Variants in CAMTA1 observed in about 807,000 individuals in gnomAD.
CAMTA1 encodes calmodulin-binding transcription activator 1.
In CAMTA1, 27 loss-of-function variants were observed where a neutral mutation model predicts 170.9. That is an observed-to-expected ratio of 0.16 (90% CI 0.12 to 0.22). The LOEUF (loss-of-function observed/expected upper bound fraction) is 0.22. CAMTA1 is among the 10% of genes least tolerant of loss of function. The probability of loss-of-function intolerance (pLI) is 1.00; values close to 1 mark genes in which losing one functional copy is unlikely to be tolerated. For synonymous variants in CAMTA1, 833 were observed against 891.5 expected (o/e 0.93, Z 1.17); for missense variants, 1,619 against 2,217.2 (o/e 0.73, Z 5.42).
intron 6 of CAMTA1, among the ~76,000 whole-genome samples, chr1:7,474,592 A>G (rs1009067951): frequency 1.3e-5 from 2 of 151,798 alleles, no homozygotes; most frequent in Non-Finnish European, 2.9e-5. Context: ...CTAGCATCCC[A>G]CCTCTGCATT....
intron 11 of CAMTA1, among the ~76,000 whole-genome samples, chr1:7,729,861 G>A (rs1213357341): frequency 1.3e-5 from 2 of 152,244 alleles, no homozygotes; most frequent in African/African-American, 2.4e-5. Context: ...ACATGGAACC[G>A]TCGTACGCTT....
At chr1:7,755,341 A>AAC (rs1202739926) in intron 21 of CAMTA1, among the ~76,000 whole-genome samples, 3 of 151,150 alleles carry the variant, frequency 2.0e-5, no homozygotes, top group African/African-American at 7.3e-5. Context: ...AAAAAAAAAA[A>AAC]AAAAAAAAAA....
chr1:7,013,046 TC>T lies in CAMTA1; in HGVS notation c.235-78257del, dbSNP rs1162271227. Reference sequence around the variant, plus strand: ...CTTGGGATCATCCCTGAGTCCCCTCTCTCGTCTCCACACGTCCAGACCTTCA... The same window carrying T: ...CTTGGGATCATCCCTGAGTCCCCTCTTCGTCTCCACACGTCCAGACCTTCA... On this transcript the variant is annotated intron_variant, in intron 3 of 22. Coordinates refer to ENST00000303635, the MANE Select transcript of CAMTA1 (RefSeq NM_015215.4). Among the ~76,000 whole-genome samples the T allele has an allele frequency of 7.9e-5, 12 of 152,086 alleles. No individual in the cohort carries two copies. In the East Asian group the frequency reaches 1.7e-3, roughly 22 times the overall value.
chr1:7,749,981 C>T (rs1156913449), intron 19 of CAMTA1, among the ~76,000 whole-genome samples: 2 of 152,136 alleles, frequency 1.3e-5, no homozygotes, highest in Non-Finnish European at 2.9e-5. Context: ...GAGTGGGTTT[C>T]GACATTAATA....
intron 11 of CAMTA1, among the ~76,000 whole-genome samples, chr1:7,730,301 G>A (rs755484919): frequency 6.6e-6 from 1 of 152,162 alleles, no homozygotes; most frequent in Non-Finnish European, 1.5e-5. Flanking sequence ...ATCGTCTCCT[G>A]CGTCTCCTGC....
At chr1:6,927,893 G>A (rs1683631982) in intron 3 of CAMTA1, among the ~76,000 whole-genome samples, 1 of 152,204 alleles carries the variant, frequency 6.6e-6, no homozygotes, top group African/African-American at 2.4e-5. Flanking sequence ...CAGGAAACTG[G>A]CCAATAGGCC....
chr1:7,017,332 G>C (rs1700706974), intron 3 of CAMTA1, among the ~76,000 whole-genome samples: 1 of 152,192 alleles, frequency 6.6e-6, no homozygotes, highest in Admixed American at 6.5e-5. Context: ...ATCTGAAAGA[G>C]ATGGTTTCTG....
chr1:7,394,457 T>A (rs901339834), intron 5 of CAMTA1, among the ~76,000 whole-genome samples: 10 of 152,360 alleles, frequency 6.6e-5, no homozygotes, highest in Non-Finnish European at 1.5e-4. Context: ...TGAGCATTTT[T>A]AAAATGTACT....
At chr1:7,564,977 T>G (rs2095020499) in intron 6 of CAMTA1, among the ~76,000 whole-genome samples, 1 of 146,296 alleles carries the variant, frequency 6.8e-6, no homozygotes. Flanking sequence ...TGGGAGAGTA[T>G]GAGAGGGATG....
chr1:7,039,578 G>T (rs1339951757), intron 3 of CAMTA1, among the ~76,000 whole-genome samples: 1 of 152,162 alleles, frequency 6.6e-6, no homozygotes, highest in East Asian at 1.9e-4. Flanking sequence ...GTAGGTATGT[G>T]GGGCGATTTA....
At chr1:6,886,302 T>C (rs1447953050) in intron 3 of CAMTA1, 1 of 455,116 alleles carries the variant, frequency 2.2e-6, no homozygotes, top group South Asian at 1.6e-5. Context: ...AGTCAGAAGC[T>C]GCTGTCTGAT....
chr1:7,152,711 C>A, intron 4 of CAMTA1, among the ~76,000 whole-genome samples: 1 of 152,282 alleles, frequency 6.6e-6, no homozygotes, highest in Non-Finnish European at 1.5e-5. Flanking sequence ...CCTCCCAGCC[C>A]GAGACTCTTT....
intron 19 of CAMTA1, among the ~76,000 whole-genome samples, chr1:7,749,592 G>C (rs1407571268): frequency 6.7e-6 from 1 of 150,282 alleles, no homozygotes; most frequent in Non-Finnish European, 1.5e-5. Flanking sequence ...AAGACAGAAG[G>C]CATTATTTTT....
intron 1 of CAMTA1, among the ~76,000 whole-genome samples, chr1:6,786,412 A>T (rs531193525): frequency 2.6e-5 from 4 of 151,878 alleles, no homozygotes; most frequent in Non-Finnish European, 5.9e-5. Context: ...ACCTTCCGTG[A>T]CCCCGATCCT....
At chr1:7,654,006 C>T (rs919659746) in intron 7 of CAMTA1, among the ~76,000 whole-genome samples, 6 of 152,228 alleles carry the variant, frequency 3.9e-5, no homozygotes, top group African/African-American at 1.4e-4. Context: ...GTCTGTGATT[C>T]GGTGGGTTTG....
Position 7,634,730 on chromosome 1 carries a change from G to A in CAMTA1, c.511-5670G>A, listed in dbSNP as rs35187258. On this transcript the variant is annotated intron_variant, in intron 6 of 22. Coordinates refer to ENST00000303635, the MANE Select transcript of CAMTA1 (RefSeq NM_015215.4). The surrounding 1 kb of genome is among the most constrained non-coding windows in gnomAD (Gnocchi z 6.2). ...GGGGCTCTAAGCAGCAGAAGTGCCC[G>A]CTGGAGGCTTAACTCTGCTCACCCT... Among the ~76,000 whole-genome samples the A allele has an allele frequency of 0.037, 5,629 of 152,136 alleles. 132 individuals carry two copies. Among genetic ancestry groups the A allele is most frequent in the Middle Eastern group, 0.051 (15 of 294 alleles).
chr1:7,138,307 A>G (rs1645660111), intron 4 of CAMTA1, among the ~76,000 whole-genome samples: 1 of 152,152 alleles, frequency 6.6e-6, no homozygotes, highest in South Asian at 2.1e-4. Context: ...TTGTAGCATG[A>G]ATACCTTTTA....
At chr1:6,985,224 G>T (rs1482395304) in intron 3 of CAMTA1, among the ~76,000 whole-genome samples, 2 of 152,242 alleles carry the variant, frequency 1.3e-5, no homozygotes, top group African/African-American at 4.8e-5. Context: ...TGCAGCTGTA[G>T]CTACGGGGGC....
In CAMTA1 at chr1:7,688,148, A is replaced by G. The variant is rs1415065528; in HGVS notation, c.2914+10415A>G. ...CTCAGCCTCCCAAGTAGTTGGGATT[A>G]CAGGTGTGCACCACCACACCCAGCT... On this transcript the variant is annotated intron_variant, in intron 11 of 22. Transcript: ENST00000303635. Among the ~76,000 whole-genome samples the G allele has an allele frequency of 2.0e-5, 3 of 150,692 alleles. No individual in the cohort carries two copies. In the South Asian group the frequency reaches 6.3e-4, roughly 32 times the overall value.
Sources: gnomAD v4.1 joint callset for allele counts (sites outside exome capture counted in the v4.1 genomes callset) on GRCh38, gnomAD v4.1.1 for gene constraint, Gnocchi (gnomAD v3.1) non-coding constraint, MANE v1.5 for transcripts, NCBI Gene and HGNC (gene_info 2026-07-23, HGNC 2026-07-21) for gene names.